ANTXRL: variants seen among roughly 807,000 people sequenced by gnomAD.
The protein encoded by ANTXRL is ANTXR like.
In ANTXRL, 63 loss-of-function variants were observed where a neutral mutation model predicts 75.4. The observed-to-expected ratio is 0.84, with a 90% CI of 0.68 to 1.03. The LOEUF (loss-of-function observed/expected upper bound fraction) is 1.03. Ranked by LOEUF, ANTXRL falls within the 50% of genes least tolerant of loss-of-function variation. ANTXRL has a pLI of 0.00. For synonymous variants in ANTXRL, 335 were observed against 291.3 expected (o/e 1.15, Z -1.53); for missense variants, 797 against 789.4 (o/e 1.01, Z -0.12).
intron 13 of ANTXRL, 92 bp downstream of exon 13, chr10:46,309,294 CT>C (rs1838284831): frequency 6.6e-7 from 1 of 1,523,424 alleles, no homozygotes; most frequent in Non-Finnish European, 8.8e-7. Context: ...GTGATCCCGC[CT>C]GTGGGAAGTT....
chr10:46,314,647 T>TG lies in ANTXRL; in HGVS notation c.1410+1337dup, dbSNP rs544824322. Among the ~76,000 whole-genome samples, 10 of 150,716 alleles carry TG rather than the reference T, an allele frequency of 6.6e-5. No homozygotes were observed. The East Asian group carries it at 1.8e-3, about 27-fold the overall frequency. On this transcript the variant is annotated intron_variant, in intron 16 of 16. Transcript: ENST00000620264. ...AAGCTAAGGTTTAGGGGTGGGGTGG[T>TG]GGGGGGCAGAGTAATTGCATTACAG...
chr10:46,319,404 A>G (rs1487039781), intron 16 of ANTXRL, among the ~76,000 whole-genome samples: 1 of 152,156 alleles, frequency 6.6e-6, no homozygotes, highest in African/African-American at 2.4e-5. Context: ...CATACAACAC[A>G]TCGAAGATTT....
chr10:46,287,502 C>T lies in ANTXRL; in HGVS notation c.240C>T (p.Ile80=), dbSNP rs1836813295. 2 of 1,535,094 alleles carry T rather than the reference C, an allele frequency of 1.3e-6. No individual in the cohort carries two copies. The highest frequency in any genetic ancestry group is 2.4e-5 in the East Asian group (1 of 40,910). ...RCQGSFDLYF[I]LDKSGSVNNN... ...AGGGCTCATTTGACCTCTACTTCAT[C>T]TTGGACAAGTGAGTGTCCCTTCTAG... is the stretch of plus-strand genomic sequence containing the variant. Residue 80 remains isoleucine (I), a synonymous_variant, in exon 1 of 17, where the codon ATC becomes ATT. Transcript: ENST00000620264.
At chr10:46,317,208 C>T (rs1022074503) in intron 16 of ANTXRL, among the ~76,000 whole-genome samples, 1 of 152,140 alleles carries the variant, frequency 6.6e-6, no homozygotes, top group Non-Finnish European at 1.5e-5. Context: ...ATATATGCCA[C>T]AGGACCTTAA....
chr10:46,306,299 T>A (rs1314549696), intron 10 of ANTXRL, among the ~76,000 whole-genome samples: 7 of 152,158 alleles, frequency 4.6e-5, no homozygotes, highest in Non-Finnish European at 7.3e-5. Flanking sequence ...ATCACCTACT[T>A]TCAATAATTC....
chr10:46,300,574 A>G lies in ANTXRL; in HGVS notation c.797-2148A>G, dbSNP rs556255116. 3.8e-3 allele frequency among the ~76,000 whole-genome samples: 569 copies of G among 151,202 alleles called. 3 individuals are homozygous for G. The highest frequency in any genetic ancestry group is 5.9e-3 in the Non-Finnish European group (402 of 67,938). On this transcript the variant is annotated intron_variant, in intron 9 of 16. Coordinates refer to ENST00000620264, the MANE Select transcript of ANTXRL (RefSeq NM_001278688.3). ...AGAACCCCCAGGCCCTCCAGGGTCC[A>G]CTTCCTGTTCTGGGCGCCCTGTGCA...
intron 3 of ANTXRL, chr10:46,294,214 C>T (rs1837230664): frequency 1.7e-5 from 7 of 409,644 alleles, no homozygotes; most frequent in South Asian, 1.2e-4. Context: ...GGTGCAGGGG[C>T]TGGCAGGGCG....
At chr10:46,302,667 G>A (rs1237183653) in intron 9 of ANTXRL, 55 bp from the exon 10 acceptor site, 1 of 1,319,780 alleles carries the variant, frequency 7.6e-7, no homozygotes, top group African/African-American at 1.5e-5. Context: ...GGAGGTCAGA[G>A]GGGAGGCAGC....
rs4384332 is a variant in ANTXRL, at chr10:46,296,843, C to A, written c.509-409C>A. Among the ~76,000 whole-genome samples the A allele has an allele frequency of 3.2e-3, 492 of 152,084 alleles. 4 individuals carry two copies. Among genetic ancestry groups the A allele is most frequent in the African/African-American group, 0.011 (472 of 41,482 alleles). ...TCTGCTTACAGCAAGACCTGGCCCCCTGGGAGCCTCCCTGAGCCTGTCTGT... is the reference window on the plus strand; with the variant it reads ...TCTGCTTACAGCAAGACCTGGCCCCATGGGAGCCTCCCTGAGCCTGTCTGT... On this transcript the variant is annotated intron_variant, in intron 5 of 16. Transcript: ENST00000620264.
At chr10:46,309,846 G>C (rs1222446468) in intron 13 of ANTXRL, among the ~76,000 whole-genome samples, 4 of 152,180 alleles carry the variant, frequency 2.6e-5, no homozygotes, top group African/African-American at 4.8e-5. Flanking sequence ...CACAGGAGTG[G>C]GAAGGGCTCC....
chr10:46,289,269 T>C (rs1351271748), intron 1 of ANTXRL, among the ~76,000 whole-genome samples: 1 of 152,176 alleles, frequency 6.6e-6, no homozygotes, highest in Non-Finnish European at 1.5e-5. Context: ...GGGCTCTAAG[T>C]GGGAATGACC....
chr10:46,310,308 G>A (rs1220341814), intron 13 of ANTXRL, among the ~76,000 whole-genome samples, 153 bp from the exon 14 acceptor site: 1 of 152,086 alleles, frequency 6.6e-6, no homozygotes, highest in Non-Finnish European at 1.5e-5. Flanking sequence ...AGCCTGCCGG[G>A]TACAAGTTCA....
At chr10:46,319,744 A>T (rs571454331) in intron 16 of ANTXRL, among the ~76,000 whole-genome samples, 16 of 152,180 alleles carry the variant, frequency 1.1e-4, no homozygotes, top group African/African-American at 2.2e-4. Flanking sequence ...GTCATCCACC[A>T]TTTAGGATGC....
chr10:46,310,549 G>C, intron 14 of ANTXRL, 50 bp downstream of exon 14: 2 of 1,520,562 alleles, frequency 1.3e-6, no homozygotes, highest in Non-Finnish European at 1.8e-6. Flanking sequence ...GGAGCCCACT[G>C]ACCTTCACCA....
In ANTXRL at chr10:46,296,091, A is replaced by C. The variant is rs1458649661; in HGVS notation, c.465A>C (p.Gly155=). 3.9e-6 allele frequency: 6 copies of C among 1,535,946 alleles called. No homozygotes were observed. In the East Asian group the frequency reaches 7.3e-5, roughly 19 times the overall value. ...ACGGTCACACATTCATGCAGGCAGG[A>C]TTTAGAAAGGTATAGACCCCTTGAT... ...VPDGHTFMQA[G]FRKAIQQIES... Residue 155 remains glycine (G), a synonymous_variant, in exon 4 of 17, where the codon GGA becomes GGC. Coordinates refer to ENST00000620264, the MANE Select transcript of ANTXRL (RefSeq NM_001278688.3).
chr10:46,302,735 G>A lies in ANTXRL; in HGVS notation c.810G>A (p.Val270=). ...TTGTCCTTGCAGAACCCTACCATGT[G>A]GTTATTCATGGAAATGGCTTTCAGA... ...SSECVGEPYH[V]VIHGNGFQNL... Residue 270 remains valine (V), a synonymous_variant, in exon 10 of 17, where the codon GTG becomes GTA. Coordinates refer to ENST00000620264, the MANE Select transcript of ANTXRL (RefSeq NM_001278688.3). 1 of 1,535,638 alleles carries A rather than the reference G, an allele frequency of 6.5e-7. No homozygotes were observed. Among genetic ancestry groups the A allele is most frequent in the East Asian group, 2.4e-5 (1 of 40,910 alleles).
At chr10:46,304,647 T>C (rs1245211481) in intron 10 of ANTXRL, among the ~76,000 whole-genome samples, 4 of 152,132 alleles carry the variant, frequency 2.6e-5, no homozygotes, top group East Asian at 1.9e-4. Flanking sequence ...TTGTCATGGA[T>C]TTTATTTTAT....
At chr10:46,293,337 C>T (rs561011397) in intron 2 of ANTXRL, among the ~76,000 whole-genome samples, 10 of 117,950 alleles carry the variant, frequency 8.5e-5, no homozygotes, top group East Asian at 5.3e-4. Flanking sequence ...TGAGTGTGTG[C>T]GTGTGTGCGT....
At chr10:46,310,643 A>T in intron 14 of ANTXRL, 144 bp downstream of exon 14, 1 of 882,096 alleles carries the variant, frequency 1.1e-6, no homozygotes, top group Non-Finnish European at 1.8e-6. Flanking sequence ...GCCTGAGAAG[A>T]TGGGGGACTC....
Sources: gnomAD v4.1 joint callset for allele counts (sites outside exome capture counted in the v4.1 genomes callset) on GRCh38, gnomAD v4.1.1 for gene constraint, MANE v1.5 for transcripts, NCBI Gene and HGNC (gene_info 2026-07-23, HGNC 2026-07-21) for gene names.